GPR176: variants seen among roughly 807,000 people sequenced by gnomAD.
GPR176 encodes G protein-coupled receptor 176, also known as G-protein coupled receptor 176.
In GPR176, 26 loss-of-function variants were observed where a neutral mutation model predicts 35.4. The observed-to-expected ratio is 0.74, with a 90% CI of 0.54 to 1.02. The LOEUF (loss-of-function observed/expected upper bound fraction) is 1.02. Among genes scored for constraint, GPR176 ranks in the 50% least tolerant of loss-of-function variants. The pLI is 0.00. For synonymous variants in GPR176, 278 were observed against 271.3 expected, an observed-to-expected ratio of 1.02 and a Z score of -0.24; for missense variants, 597 against 665.3, an observed-to-expected ratio of 0.90 and a Z score of 1.13.
At chr15:39,814,195 C>T (rs564201931) in intron 1 of GPR176, among the ~76,000 whole-genome samples, 3 of 152,214 alleles carry the variant, frequency 2.0e-5, no homozygotes, top group East Asian at 3.9e-4. Flanking sequence ...TTTTATCCTG[C>T]CTCTTTCTCT....
At chr15:39,841,041 T>C (rs1211077374) in intron 1 of GPR176, among the ~76,000 whole-genome samples, 1 of 152,162 alleles carries the variant, frequency 6.6e-6, no homozygotes, top group Admixed American at 6.6e-5. Context: ...TTTCCCCAGC[T>C]CTCTGCTGCC....
intron 1 of GPR176, among the ~76,000 whole-genome samples, chr15:39,898,453 A>G (rs1378637739): frequency 6.6e-6 from 1 of 152,250 alleles, no homozygotes; most frequent in Admixed American, 6.5e-5. Context: ...AAAGAAAGGA[A>G]CTTAGGTTCC....
At position 39,870,121 on chromosome 15, in the gene GPR176, G is replaced by A. The variant is rs180962546; in HGVS notation, c.172+49734C>T. ...GAAGGCTGCTCATGATCCCTTCCTCGTGTCATTCCAACTTCCTGCCCCCAT... is the reference window on the plus strand; with the variant it reads ...GAAGGCTGCTCATGATCCCTTCCTCATGTCATTCCAACTTCCTGCCCCCAT... On this transcript the variant is annotated intron_variant, in intron 1 of 2. Coordinates refer to ENST00000561100, the MANE Select transcript of GPR176 (RefSeq NM_007223.3). 2.3e-4 allele frequency among the ~76,000 whole-genome samples: 35 copies of A among 152,118 alleles called. No individual in the cohort carries two copies. In the East Asian group the frequency reaches 6.2e-3, roughly 27 times the overall value.
intron 1 of GPR176, among the ~76,000 whole-genome samples, chr15:39,872,182 G>A (rs900890810): frequency 5.0e-5 from 7 of 138,962 alleles, no homozygotes; most frequent in Non-Finnish European, 9.3e-5. Flanking sequence ...GAAATAAGTT[G>A]TATAATAGAG....
chr15:39,831,632 A>G (rs1901082456), intron 1 of GPR176, among the ~76,000 whole-genome samples: 2 of 152,034 alleles, frequency 1.3e-5, no homozygotes, highest in Admixed American at 1.3e-4. Context: ...CATCCAACAA[A>G]ATACTGTAGA....
At chr15:39,917,775 T>G (rs562506878) in intron 1 of GPR176, among the ~76,000 whole-genome samples, 1 of 151,902 alleles carries the variant, frequency 6.6e-6, no homozygotes, top group East Asian at 1.9e-4. Context: ...CAGCCGGGCA[T>G]AGTGGCTCAG....
At chr15:39,893,428 A>G (rs941768666) in intron 1 of GPR176, among the ~76,000 whole-genome samples, 1 of 152,152 alleles carries the variant, frequency 6.6e-6, no homozygotes, top group Non-Finnish European at 1.5e-5. Flanking sequence ...GGGTAAGGTC[A>G]CAGATCAACA....
intron 1 of GPR176, among the ~76,000 whole-genome samples, chr15:39,906,372 A>T (rs2033422760): frequency 6.6e-6 from 1 of 152,148 alleles, no homozygotes; most frequent in South Asian, 2.1e-4. Context: ...TGCCATTCTG[A>T]TCCTACACAC....
intron 1 of GPR176, among the ~76,000 whole-genome samples, chr15:39,867,224 T>C (rs2031864845): frequency 6.6e-6 from 1 of 152,210 alleles, no homozygotes; most frequent in African/African-American, 2.4e-5. Context: ...AGTCCCATAA[T>C]ACATGGGCTA....
At chr15:39,904,317 T>G (rs1437213989) in intron 1 of GPR176, among the ~76,000 whole-genome samples, 1 of 152,204 alleles carries the variant, frequency 6.6e-6, no homozygotes, top group Non-Finnish European at 1.5e-5. Flanking sequence ...AAGATGGAGT[T>G]GCTCTGGTTC....
At chr15:39,822,132 A>G (rs1194367559) in intron 1 of GPR176, among the ~76,000 whole-genome samples, 1 of 152,200 alleles carries the variant, frequency 6.6e-6, no homozygotes, top group Admixed American at 6.5e-5. Flanking sequence ...TTGGAAGTGG[A>G]TCCTCCAGCC....
intron 1 of GPR176, among the ~76,000 whole-genome samples, chr15:39,913,703 C>G (rs185893611): frequency 6.6e-6 from 1 of 152,222 alleles, no homozygotes; most frequent in Non-Finnish European, 1.5e-5. Context: ...TAAAAACCTT[C>G]TGGAATTCAG....
chr15:39,827,385 G>A (rs532455227), intron 1 of GPR176, among the ~76,000 whole-genome samples: 1 of 152,208 alleles, frequency 6.6e-6, no homozygotes, highest in African/African-American at 2.4e-5. Context: ...TCTCTTATCA[G>A]GCAAAAAAGG....
chr15:39,801,827 G>T lies in GPR176; in HGVS notation c.853C>A (p.Leu285Met), dbSNP rs746930931. ...TTGAGCACAGTCTGGTAGACGACCA[G>T]GGTGGCATAGGGCACGCTACACAAG... ...FILCSVPYAT[L>M]VVYQTVLNVP... Residue 285 changes from leucine to methionine, a missense_variant, in exon 3 of 3, where the codon CTG becomes ATG. By Grantham distance (15) the Leu-to-Met change is conservative. Coordinates refer to ENST00000561100, the MANE Select transcript of GPR176 (RefSeq NM_007223.3). 13 of 1,613,780 alleles carry T rather than the reference G, an allele frequency of 8.1e-6. No individual in the cohort carries two copies. Among genetic ancestry groups the T allele is most frequent in the African/African-American group, 1.3e-5 (1 of 74,900 alleles).
rs543070543 is a variant in GPR176, at chr15:39,866,472, G to A, written c.172+53383C>T. Among the ~76,000 whole-genome samples the A allele has an allele frequency of 8.5e-5, 13 of 152,174 alleles. No individual in the cohort carries two copies. The South Asian group carries it at 1.9e-3, about 22-fold the overall frequency. ...TAATTTCAAGAAACTTTTGAACACC[G>A]TACATCCTTGTCAATATATAGTCTA... On this transcript the variant is annotated intron_variant, in intron 1 of 2. Transcript: ENST00000561100.
At chr15:39,853,156 G>A (rs755320255) in intron 1 of GPR176, among the ~76,000 whole-genome samples, 10 of 152,112 alleles carry the variant, frequency 6.6e-5, no homozygotes, top group Non-Finnish European at 1.5e-4. Flanking sequence ...CCAAGAGGTG[G>A]AAGCAACCTA....
chr15:39,830,577 C>T (rs1359719741), intron 1 of GPR176, among the ~76,000 whole-genome samples: 1 of 152,194 alleles, frequency 6.6e-6, no homozygotes, highest in East Asian at 1.9e-4. Flanking sequence ...TTTAGTGAGG[C>T]CAGAGGCTAG....
At chr15:39,842,541 A>G (rs753050072) in intron 1 of GPR176, among the ~76,000 whole-genome samples, 1 of 152,088 alleles carries the variant, frequency 6.6e-6, no homozygotes, top group Non-Finnish European at 1.5e-5. Flanking sequence ...TGATTAGGTC[A>G]TTTGGGCAGA....
At chr15:39,901,441 C>G (rs1478073872) in intron 1 of GPR176, among the ~76,000 whole-genome samples, 9 of 152,126 alleles carry the variant, frequency 5.9e-5, no homozygotes, top group Non-Finnish European at 1.3e-4. Flanking sequence ...AGCCCTTAAG[C>G]AACACTAGTT....
Sources: allele counts gnomAD v4.1 joint callset (sites outside exome capture counted in the v4.1 genomes callset), GRCh38; gene constraint gnomAD v4.1.1; transcripts MANE v1.5; gene names NCBI Gene and HGNC (gene_info 2026-07-23, HGNC 2026-07-21).